Variants in COL23A1 observed in about 807,000 individuals in gnomAD.
COL23A1 encodes collagen alpha-1(XXIII) chain.
Under a neutral mutation model 99.3 loss-of-function variants are expected in COL23A1, and 97 were observed. The ratio of observed to expected loss-of-function variants is 0.98; its 90% CI spans 0.83 to 1.16. COL23A1 has a LOEUF of 1.16. Ranked by LOEUF, COL23A1 falls within the 50% of genes most tolerant of loss-of-function variation. COL23A1 has a pLI of 0.00. For synonymous variants in COL23A1, 320 were observed against 308.2 expected (o/e 1.04, Z -0.40); for missense variants, 762 against 757.4 (o/e 1.01, Z -0.07).
chr5:178,349,014 T>G (rs1411972091), intron 2 of COL23A1, among the ~76,000 whole-genome samples: 7 of 151,602 alleles, frequency 4.6e-5, no homozygotes, highest in African/African-American at 1.7e-4. Context: ...TCTGCTCAAC[T>G]TAACACAGAA....
rs2913764 is a variant in COL23A1 at position 178,306,517 on chromosome 5, C to G, written c.406+358G>C. ...GGGAGGGATGAAACCCACAGGAGAA[C>G]CCGGTTGTGCTGAAGGACCCATGGG... On this transcript the variant is annotated intron_variant, in intron 3 of 28. Coordinates refer to ENST00000390654, the MANE Select transcript of COL23A1 (RefSeq NM_173465.4). The surrounding 1 kb of genome is among the most constrained non-coding windows in gnomAD (Gnocchi z 4.1). Among the ~76,000 whole-genome samples the G allele has an allele frequency of 6.6e-6, 1 of 150,794 alleles. No individual in the cohort carries two copies.
intron 2 of COL23A1, among the ~76,000 whole-genome samples, chr5:178,328,663 C>A (rs1027748230): frequency 3.3e-5 from 5 of 152,166 alleles, no homozygotes; most frequent in African/African-American, 1.2e-4. Context: ...CTACTGAAGT[C>A]TTTCGTTTAA....
intron 2 of COL23A1, among the ~76,000 whole-genome samples, chr5:178,355,056 CAAAA>C (rs57506588): frequency 8.5e-6 from 1 of 117,440 alleles, no homozygotes. Flanking sequence ...GACTTTGTCT[CAAAA>C]AAAAAAAAAA....
At chr5:178,477,266 C>T (rs1279508245) in intron 2 of COL23A1, among the ~76,000 whole-genome samples, 1 of 152,178 alleles carries the variant, frequency 6.6e-6, no homozygotes, top group African/African-American at 2.4e-5. Context: ...CATCTTGGGG[C>T]TCACAGAGCT....
chr5:178,431,667 TC>T (rs1766274108), intron 2 of COL23A1, among the ~76,000 whole-genome samples: 1 of 152,162 alleles, frequency 6.6e-6, no homozygotes, highest in Admixed American at 6.5e-5. Flanking sequence ...GAACGGATTC[TC>T]CCCTGGAGCC....
At chr5:178,479,430 T>C (rs917056573) in intron 2 of COL23A1, among the ~76,000 whole-genome samples, 62 of 152,184 alleles carry the variant, frequency 4.1e-4, no homozygotes, top group African/African-American at 1.4e-3. Flanking sequence ...TCACCTGCCA[T>C]GGAGATGCCG....
chr5:178,254,180 A>G (rs528459004), intron 16 of COL23A1, among the ~76,000 whole-genome samples: 2 of 152,220 alleles, frequency 1.3e-5, no homozygotes, highest in East Asian at 3.9e-4. Flanking sequence ...AACGAAGTCC[A>G]TCTCCCAACT....
chr5:178,525,112 A>G, intron 2 of COL23A1, among the ~76,000 whole-genome samples: 1 of 66,188 alleles, frequency 1.5e-5, no homozygotes, highest in Non-Finnish European at 3.1e-5. Flanking sequence ...AGAAATGGCG[A>G]CACAGCGCGC....
chr5:178,576,532 C>G (rs1371064287), intron 1 of COL23A1, among the ~76,000 whole-genome samples: 1 of 152,224 alleles, frequency 6.6e-6, no homozygotes, highest in African/African-American at 2.4e-5. Flanking sequence ...CCACCGAGCC[C>G]GTCCTCATTA....
chr5:178,351,750 C>T (rs898405202), intron 2 of COL23A1, among the ~76,000 whole-genome samples: 11 of 152,142 alleles, frequency 7.2e-5, no homozygotes, highest in African/African-American at 2.4e-4. Flanking sequence ...ATTGTGCCCC[C>T]CCAGTTTATA....
intron 2 of COL23A1, among the ~76,000 whole-genome samples, chr5:178,358,599 ATG>A (rs758107715): frequency 6.6e-4 from 90 of 136,642 alleles, no homozygotes; most frequent in South Asian, 3.8e-3. Context: ...GTGTATGTGT[ATG>A]TGTGTATGCG....
chr5:178,245,442 A>G (rs1249724039), intron 25 of COL23A1, among the ~76,000 whole-genome samples: 1 of 144,878 alleles, frequency 6.9e-6, no homozygotes, highest in Admixed American at 6.8e-5. Flanking sequence ...TTCATCCATC[A>G]TTCTTCCATT....
At chr5:178,343,595 C>A (rs1412548579) in intron 2 of COL23A1, among the ~76,000 whole-genome samples, 1 of 151,678 alleles carries the variant, frequency 6.6e-6, no homozygotes, top group African/African-American at 2.4e-5. Context: ...GATGTGGGGT[C>A]CGTGCATGGG....
intron 2 of COL23A1, among the ~76,000 whole-genome samples, chr5:178,364,160 A>T (rs1384354058): frequency 6.6e-6 from 1 of 151,978 alleles, no homozygotes; most frequent in Admixed American, 6.6e-5. Flanking sequence ...TTTTCTGCAC[A>T]TTTCCGCCTG....
intron 2 of COL23A1, among the ~76,000 whole-genome samples, chr5:178,374,249 A>G (rs1581254883): frequency 6.6e-6 from 1 of 152,148 alleles, no homozygotes; most frequent in Admixed American, 6.5e-5. Context: ...CAGCCTCTGC[A>G]CACCCTTCCC....
chr5:178,427,280 A>G (rs114214071), intron 2 of COL23A1, among the ~76,000 whole-genome samples: 18,815 of 152,164 alleles, frequency 0.12, 2,538 homozygotes, highest in East Asian at 0.54. Context: ...AGATGCTGGC[A>G]GGGATGTGGA....
intron 3 of COL23A1, among the ~76,000 whole-genome samples, chr5:178,299,363 G>C (rs1757912770): frequency 6.6e-6 from 1 of 152,186 alleles, no homozygotes; most frequent in Non-Finnish European, 1.5e-5. Flanking sequence ...TTGACTTCTT[G>C]AATCAGTTTT....
chr5:178,437,421 G>T (rs960122134), intron 2 of COL23A1, among the ~76,000 whole-genome samples: 3 of 152,204 alleles, frequency 2.0e-5, no homozygotes, highest in African/African-American at 7.2e-5. Flanking sequence ...GGGAGCAGGA[G>T]GTCGCCAGGA....
At chr5:178,562,326 C>G in intron 1 of COL23A1, 1 of 226,856 alleles carries the variant, frequency 4.4e-6, no homozygotes, top group Non-Finnish European at 9.0e-6. Context: ...ACGCCGAGGC[C>G]GGCGGATCAC....
Sources: gnomAD v4.1 joint callset for allele counts (sites outside exome capture counted in the v4.1 genomes callset) on GRCh38, gnomAD v4.1.1 for gene constraint, Gnocchi (gnomAD v3.1) non-coding constraint, MANE v1.5 for transcripts, NCBI Gene and HGNC (gene_info 2026-07-23, HGNC 2026-07-21) for gene names.